Variants in PAPPA2 observed in about 807,000 individuals in gnomAD.
PAPPA2 encodes the protein pappalysin-2.
Under a neutral mutation model 176.4 loss-of-function variants are expected in PAPPA2, and 86 were observed. The observed-to-expected ratio is 0.49, with a 90% CI of 0.41 to 0.58. PAPPA2 has a LOEUF of 0.58. Ranked by LOEUF, PAPPA2 falls within the 20% of genes least tolerant of loss-of-function variation. PAPPA2 has a pLI of 0.00. For synonymous variants in PAPPA2, 809 were observed against 852.2 expected, an observed-to-expected ratio of 0.95 and a Z score of 0.88; for missense variants, 2,073 against 2,256.9, an observed-to-expected ratio of 0.92 and a Z score of 1.65.
At chr1:176,565,890 C>G (rs563715153) in intron 2 of PAPPA2, among the ~76,000 whole-genome samples, 1 of 152,296 alleles carries the variant, frequency 6.6e-6, no homozygotes, top group African/African-American at 2.4e-5. Flanking sequence ...TCACCAAGCT[C>G]CCTCTTCTGG....
rs138171049 is a variant in PAPPA2, at chr1:176,486,270, C to T, written c.-917+22852C>T. Among the ~76,000 whole-genome samples, 18 of 152,278 alleles carry T rather than the reference C, an allele frequency of 1.2e-4. No individual in the cohort carries two copies. The East Asian group carries it at 2.7e-3, about 23-fold the overall frequency. On this transcript the variant is annotated intron_variant, in intron 1 of 22. Coordinates refer to ENST00000367662, the MANE Select transcript of PAPPA2 (RefSeq NM_020318.3). ...TAGCATGTTTTGGAGTGGCATATCT[C>T]GATCTCCTTCATGGGTGCTCAAAAA...
intron 1 of PAPPA2, among the ~76,000 whole-genome samples, chr1:176,485,743 A>G (rs993009330): frequency 6.6e-6 from 1 of 152,168 alleles, no homozygotes; most frequent in East Asian, 1.9e-4. Flanking sequence ...TTTATCCTCT[A>G]TCTTCTTAAA....
intron 1 of PAPPA2, among the ~76,000 whole-genome samples, chr1:176,478,546 C>T (rs552631150): frequency 2.6e-5 from 4 of 152,218 alleles, no homozygotes; most frequent in Non-Finnish European, 5.9e-5. Context: ...ACAATCACAG[C>T]CTCATGATAG....
In PAPPA2 at chr1:176,498,751, C is replaced by CACAAAAAAAA. The variant is rs762510082; in HGVS notation, c.-917+35334_-917+35335insCAAAAAAAAA. Among the ~76,000 whole-genome samples, 169 of 112,074 alleles carry CACAAAAAAAA rather than the reference C, an allele frequency of 1.5e-3. 1 individual carries two copies. The highest frequency in any genetic ancestry group is 2.1e-3 in the South Asian group (7 of 3,348). The allele number at this position is 112,074 out of a possible 152,430, so 73.5% of individuals were successfully genotyped here. On this transcript the variant is annotated intron_variant, in intron 1 of 22. Coordinates refer to ENST00000367662, the MANE Select transcript of PAPPA2 (RefSeq NM_020318.3). The stretch of plus-strand genomic sequence containing the variant: ...GGCGACAGAGCGAGACTCTTACCTC[C>CACAAAAAAAA]AAAAAAAAAAAAAAAGAAGAAGAAA...
chr1:176,683,394 T>G (rs944329637), intron 4 of PAPPA2, among the ~76,000 whole-genome samples: 8 of 152,184 alleles, frequency 5.3e-5, no homozygotes, highest in Non-Finnish European at 1.5e-5. Context: ...GGGAGCCCAT[T>G]CATATCGTTT....
chr1:176,549,275 T>C (rs1380302847), intron 1 of PAPPA2, among the ~76,000 whole-genome samples: 2 of 152,228 alleles, frequency 1.3e-5, no homozygotes, highest in African/African-American at 4.8e-5. Context: ...CACATTCGAA[T>C]ATATGGCTTT....
At chr1:176,498,696 G>C (rs1647772888) in intron 1 of PAPPA2, among the ~76,000 whole-genome samples, 1 of 150,370 alleles carries the variant, frequency 6.7e-6, no homozygotes, top group Non-Finnish European at 1.5e-5. Flanking sequence ...GTTGCAGTGA[G>C]CCGAGATCGC....
At chr1:176,771,827 C>T (rs572476063) in intron 17 of PAPPA2, among the ~76,000 whole-genome samples, 3 of 152,242 alleles carry the variant, frequency 2.0e-5, no homozygotes, top group Non-Finnish European at 2.9e-5. Flanking sequence ...AGAACAAAAG[C>T]TTTATAATGT....
At chr1:176,516,859 T>A (rs1558412626) in intron 1 of PAPPA2, among the ~76,000 whole-genome samples, 2 of 152,198 alleles carry the variant, frequency 1.3e-5, no homozygotes, top group Non-Finnish European at 2.9e-5. Context: ...TTCTCAAAGA[T>A]CCTATGTAGG....
intron 2 of PAPPA2, among the ~76,000 whole-genome samples, chr1:176,561,543 T>G (rs1651672831): frequency 6.6e-6 from 1 of 152,160 alleles, no homozygotes; most frequent in South Asian, 2.1e-4. Flanking sequence ...TACAACACAG[T>G]CTAATGTGTT....
chr1:176,545,626 C>T (rs555551925), intron 1 of PAPPA2, among the ~76,000 whole-genome samples: 8 of 152,170 alleles, frequency 5.3e-5, no homozygotes, highest in Admixed American at 1.3e-4. Context: ...TATGCCAATA[C>T]TACATCATTT....
intron 14 of PAPPA2, among the ~76,000 whole-genome samples, chr1:176,749,547 T>A (rs1427843085): frequency 6.6e-6 from 1 of 152,232 alleles, no homozygotes; most frequent in African/African-American, 2.4e-5. Flanking sequence ...ATCATTACAG[T>A]ATCACACACA....
At chr1:176,652,140 G>C (rs2102744526) in intron 3 of PAPPA2, among the ~76,000 whole-genome samples, 1 of 151,568 alleles carries the variant, frequency 6.6e-6, no homozygotes, top group East Asian at 2.0e-4. Context: ...ATTAGGGTCA[G>C]TCACTGGTTC....
At chr1:176,471,706 AGTTTT>A (rs1651882991) in intron 1 of PAPPA2, among the ~76,000 whole-genome samples, 1 of 152,216 alleles carries the variant, frequency 6.6e-6, no homozygotes. Context: ...ACTATAGTTT[AGTTTT>A]ATCTATTTAA....
At chr1:176,720,366 CT>C (rs1474085176) in intron 12 of PAPPA2, among the ~76,000 whole-genome samples, 2 of 151,818 alleles carry the variant, frequency 1.3e-5, no homozygotes, top group Non-Finnish European at 2.9e-5. Context: ...ATTTAATATG[CT>C]TAGTTTGTTA....
intron 2 of PAPPA2, among the ~76,000 whole-genome samples, chr1:176,584,011 C>T (rs1352738698): frequency 6.6e-6 from 1 of 152,180 alleles, no homozygotes; most frequent in Non-Finnish European, 1.5e-5. Context: ...CACTGAACTC[C>T]AGCCTGAGAG....
At chr1:176,818,721 C>T (rs1391331408) in intron 21 of PAPPA2, among the ~76,000 whole-genome samples, 1 of 152,170 alleles carries the variant, frequency 6.6e-6, no homozygotes, top group African/African-American at 2.4e-5. Context: ...AGCAGCCAGA[C>T]AGTCCTGTTA....
intron 17 of PAPPA2, among the ~76,000 whole-genome samples, chr1:176,779,923 G>A (rs1375053574): frequency 1.3e-5 from 2 of 152,152 alleles, no homozygotes; most frequent in Non-Finnish European, 2.9e-5. Flanking sequence ...TCAGGGCAAC[G>A]TAAATGCTAA....
intron 7 of PAPPA2, among the ~76,000 whole-genome samples, chr1:176,698,612 T>C (rs1293611857): frequency 1.3e-5 from 2 of 152,230 alleles, no homozygotes; most frequent in Non-Finnish European, 2.9e-5. Context: ...GTTTTAAAGT[T>C]CGTCTAACCA....
Sources: allele counts gnomAD v4.1 joint callset (sites outside exome capture counted in the v4.1 genomes callset), GRCh38; gene constraint gnomAD v4.1.1; transcripts MANE v1.5; gene names NCBI Gene and HGNC (gene_info 2026-07-23, HGNC 2026-07-21).